KLHL31: variants seen among roughly 807,000 people sequenced by gnomAD.
The protein encoded by KLHL31 is kelch like family member 31, also known as kelch-like protein 31.
Under a neutral mutation model 47.1 loss-of-function variants are expected in KLHL31, and 32 were observed. The observed-to-expected ratio is 0.68, with a 90% CI of 0.51 to 0.91. KLHL31 has a LOEUF of 0.91. KLHL31 is among the 40% of genes least tolerant of loss of function. The probability of loss-of-function intolerance (pLI) is 0.00; values close to 1 mark genes in which losing one functional copy is unlikely to be tolerated. For missense variants in KLHL31, 797 were observed against 819.3 expected (o/e 0.97, Z 0.33); for synonymous variants, 330 against 325.1 (o/e 1.01, Z -0.16).
In KLHL31 at chr6:53,654,819, T is replaced by C. The variant is rs1212437899; in HGVS notation, c.454A>G (p.Ile152Val). 1.2e-6 allele frequency: 2 copies of C among 1,614,092 alleles called. No individual in the cohort carries two copies. Among genetic ancestry groups the C allele is most frequent in the Non-Finnish European group, 1.7e-6 (2 of 1,179,994 alleles). ...SIISAAVYLQ[I>V]HTLVKMCSDF... ...CTGCACATCTTTACAAGAGTATGGA[T>C]CTGAAGATAAACAGCAGCAGAAATA... The change falls in exon 2 of 3, where the codon ATC becomes GTC. Residue 152 changes from isoleucine (I) to valine (V), a missense_variant. Coordinates refer to ENST00000370905, the MANE Select transcript of KLHL31 (RefSeq NM_001003760.5).
At position 53,654,146 on chromosome 6, in the gene KLHL31, T is replaced by A; in HGVS notation, c.1127A>T (p.Asn376Ile). 2 of 1,613,278 alleles carry A rather than the reference T, an allele frequency of 1.2e-6. No homozygotes were observed. The highest frequency in any genetic ancestry group is 1.7e-6 in the Non-Finnish European group (2 of 1,179,602). The change falls in exon 2 of 3, where the codon AAT (asparagine) becomes ATT (isoleucine). Residue 376 changes from asparagine to isoleucine, a missense_variant. Transcript: ENST00000370905. Reference protein sequence around the residue: ...FLYVAGGEDQNDARNQAKHAV... With the variant: ...FLYVAGGEDQIDARNQAKHAV... ...ATGCTTGGCTTGATTTCTTGCATCA[T>A]TCTGGTCTTCACCACCGGCTACATA... is the stretch of plus-strand genomic sequence containing the variant.
chr6:53,657,004 T>C (rs1764571048), intron 1 of KLHL31, among the ~76,000 whole-genome samples: 1 of 150,570 alleles, frequency 6.6e-6, no homozygotes, highest in African/African-American at 2.4e-5. Flanking sequence ...GTGATTTTGG[T>C]TCACTGCAGC....
intron 1 of KLHL31, among the ~76,000 whole-genome samples, chr6:53,657,014 C>G (rs1162681296): frequency 1.4e-5 from 2 of 141,128 alleles, no homozygotes; most frequent in Admixed American, 7.9e-5. Flanking sequence ...TTCACTGCAG[C>G]CTTGACTTCC....
chr6:53,662,754 C>A (rs1423923423), intron 1 of KLHL31, among the ~76,000 whole-genome samples: 1 of 152,226 alleles, frequency 6.6e-6, no homozygotes, highest in African/African-American at 2.4e-5. Flanking sequence ...GCCATGTATT[C>A]AACACCTGAT....
chr6:53,657,938 TC>T (rs1367820703), intron 1 of KLHL31, among the ~76,000 whole-genome samples: 1 of 152,172 alleles, frequency 6.6e-6, no homozygotes, highest in Non-Finnish European at 1.5e-5. Context: ...TTCTTCTCAT[TC>T]TTTTTTTGCA....
chr6:53,654,097 G>A lies in KLHL31; in HGVS notation c.1172+4C>T, dbSNP rs1021658839. The stretch of plus-strand genomic sequence containing the variant: ...ATTTCAGTTCCTAATAAAAGATCAA[G>A]TACCTGCAGAAATTGCTGACTGCAT... On this transcript the variant is annotated splice_donor_region_variant and intron_variant, in intron 2 of 2. Coordinates refer to ENST00000370905, the MANE Select transcript of KLHL31 (RefSeq NM_001003760.5). The A allele has an allele frequency of 6.3e-7, 1 of 1,589,266 alleles. No individual in the cohort carries two copies. The highest frequency in any genetic ancestry group is 1.2e-5 in the South Asian group (1 of 85,796).
chr6:53,661,015 C>A (rs536118202), intron 1 of KLHL31, among the ~76,000 whole-genome samples: 21 of 152,302 alleles, frequency 1.4e-4, no homozygotes, highest in African/African-American at 5.1e-4. Context: ...CCAATAAGGA[C>A]ACTGCTGCAG....
rs1764442775 is a variant in KLHL31, at chr6:53,650,007, G to C, written c.*1591C>G. The C allele has an allele frequency of 6.6e-6, 1 of 152,136 alleles. No individual in the cohort carries two copies. The highest frequency in any genetic ancestry group is 2.4e-5 in the African/African-American group (1 of 41,408). The allele number at this position is 152,136 out of a possible 1,614,324, so 9.4% of individuals were successfully genotyped here. A position where few individuals can be genotyped will look rare whatever the true frequency, so the allele number is the denominator to read the frequency against. Reference sequence around the variant, plus strand: ...TAATGATATAAAATTGTTCCACAAAGTGTACTATATGAACCACTTTTCACA... The same window carrying C: ...TAATGATATAAAATTGTTCCACAAACTGTACTATATGAACCACTTTTCACA... On this transcript the variant is annotated 3_prime_UTR_variant, in exon 3 of 3. Transcript: ENST00000370905.
chr6:53,660,609 T>C (rs1581791216), intron 1 of KLHL31, among the ~76,000 whole-genome samples: 2 of 151,154 alleles, frequency 1.3e-5, no homozygotes, highest in South Asian at 2.1e-4. Context: ...AGGCCAGGAG[T>C]TCAAGACCAG....
chr6:53,660,617 C>A (rs1764630746), intron 1 of KLHL31, among the ~76,000 whole-genome samples: 1 of 152,138 alleles, frequency 6.6e-6, no homozygotes, highest in Non-Finnish European at 1.5e-5. Flanking sequence ...AGTTCAAGAC[C>A]AGCCTGGCCA....
At chr6:53,655,690 T>G (rs1368745102) in intron 1 of KLHL31, among the ~76,000 whole-genome samples, 1 of 151,054 alleles carries the variant, frequency 6.6e-6, no homozygotes, top group Non-Finnish European at 1.5e-5. Flanking sequence ...CACTGCAACC[T>G]CTGCCTCCCG....
chr6:53,655,222 C>T lies in KLHL31; in HGVS notation c.51G>A (p.Glu17=), dbSNP rs756729265. 2 of 1,604,934 alleles carry T rather than the reference C, an allele frequency of 1.2e-6. No individual in the cohort carries two copies. Among genetic ancestry groups the T allele is most frequent in the South Asian group, 1.1e-5 (1 of 88,974 alleles). ...IVKKNKGDIN[E]MTIIVEDSPL... The stretch of plus-strand genomic sequence containing the variant: ...GGCTATCTTCTACGATTATAGTCAT[C>T]TCATTGATATCTCCTTTGTTCTTTT... Residue 17 remains glutamate, a synonymous_variant, in exon 2 of 3, where the codon GAG becomes GAA. Transcript: ENST00000370905.
chr6:53,651,697 C>G lies in KLHL31; in HGVS notation c.1806G>C (p.Glu602Asp). Residue 602 changes from glutamate to aspartate, a missense_variant, in exon 3 of 3, where the codon GAG (glutamate) becomes GAC (aspartate). Glu to Asp is a conservative substitution (Grantham distance 45). Coordinates refer to ENST00000370905, the MANE Select transcript of KLHL31 (RefSeq NM_001003760.5). Reference sequence around the variant, plus strand: ...TGCAGCAGGACACGCCGACAGTGGCCTCGGGTAGCTCGTCGTCCTCCGTCC... The same window carrying G: ...TGCAGCAGGACACGCCGACAGTGGCGTCGGGTAGCTCGTCGTCCTCCGTCC... ...NEWTEDDELPEATVGVSCCTL... is the reference protein window; with the variant it reads ...NEWTEDDELPDATVGVSCCTL... 6.2e-7 allele frequency: 1 copy of G among 1,614,204 alleles called. No individual in the cohort carries two copies. Among genetic ancestry groups the G allele is most frequent in the African/African-American group, 1.3e-5 (1 of 75,066 alleles).
chr6:53,656,379 A>G (rs903535913), intron 1 of KLHL31, among the ~76,000 whole-genome samples: 5 of 152,208 alleles, frequency 3.3e-5, no homozygotes, highest in African/African-American at 1.2e-4. Flanking sequence ...GCAAAAAATT[A>G]GAGGAACTAA....
rs763867568 is a variant in KLHL31, at chr6:53,652,107, C to A, written c.1396G>T (p.Gly466Cys). Residue 466 changes from glycine to cysteine, a missense_variant, in exon 3 of 3, where the codon GGC (glycine) becomes TGC (cysteine). By Grantham distance (159) the Gly-to-Cys change is radical (BLOSUM62 -3). Transcript: ENST00000370905. ...RCCHASAVADGRVLVTGGYIA... is the reference protein window; with the variant it reads ...RCCHASAVADCRVLVTGGYIA... ...TAGCCTCCGGTCACCAGCACGCGGC[C>A]GTCGGCGACCGCGCTAGCGTGGCAG... 17 of 1,600,116 alleles carry A rather than the reference C, an allele frequency of 1.1e-5. No individual in the cohort carries two copies. In the African/African-American group the frequency reaches 2.0e-4, roughly 19 times the overall value.
At chr6:53,659,326 T>C (rs1764614392) in intron 1 of KLHL31, among the ~76,000 whole-genome samples, 1 of 152,186 alleles carries the variant, frequency 6.6e-6, no homozygotes. Flanking sequence ...AAGAAATACA[T>C]ACAAATACAC....
At chr6:53,658,712 A>G (rs1764605865) in intron 1 of KLHL31, among the ~76,000 whole-genome samples, 1 of 152,240 alleles carries the variant, frequency 6.6e-6, no homozygotes, top group Admixed American at 6.5e-5. Flanking sequence ...ATAGAATTAA[A>G]TTAGAAATTA....
chr6:53,655,632 A>G lies in KLHL31; in HGVS notation c.-33-327T>C, dbSNP rs1484017771. On this transcript the variant is annotated intron_variant, in intron 1 of 2. Transcript: ENST00000370905. ...TTCTTTTTTTTTTTTTTTGAGACAG[A>G]GCCTCTATCTGTCGCTCAGGCTGGA... Among the ~76,000 whole-genome samples, 5 of 142,320 alleles carry G rather than the reference A, an allele frequency of 3.5e-5. No individual in the cohort carries two copies. In the East Asian group the frequency reaches 1.0e-3, roughly 29 times the overall value. The allele number at this position is 142,320 out of a possible 152,430, so 93.4% of individuals were successfully genotyped here. A position where few individuals can be genotyped will look rare whatever the true frequency, so the allele number is the denominator to read the frequency against.
chr6:53,657,654 G>GTGTGTGTGTGTT (rs1491444765), intron 1 of KLHL31, among the ~76,000 whole-genome samples: 2 of 140,136 alleles, frequency 1.4e-5, no homozygotes, highest in African/African-American at 5.7e-5. Flanking sequence ...GTGTGTGTGT[G>GTGTGTGTGTGTT]TTTTAAATCC....
Sources: gnomAD v4.1 joint callset for allele counts (sites outside exome capture counted in the v4.1 genomes callset) on GRCh38, gnomAD v4.1.1 for gene constraint, MANE v1.5 for transcripts, NCBI Gene and HGNC (gene_info 2026-07-23, HGNC 2026-07-21) for gene names.